Variants in ZDHHC17 observed in about 807,000 individuals in gnomAD.
ZDHHC17 encodes palmitoyltransferase ZDHHC17.
Under a neutral mutation model 90.3 loss-of-function variants are expected in ZDHHC17, and 40 were observed. The ratio of observed to expected loss-of-function variants is 0.44; its 90% CI spans 0.34 to 0.58. The LOEUF is 0.58. Among genes scored for constraint, ZDHHC17 ranks in the 20% least tolerant of loss-of-function variants. ZDHHC17 has a pLI of 0.01. For missense variants in ZDHHC17, 614 were observed against 780.8 expected, an observed-to-expected ratio of 0.79 and a Z score of 2.55; for synonymous variants, 235 against 252.4, an observed-to-expected ratio of 0.93 and a Z score of 0.65.
intron 2 of ZDHHC17, among the ~76,000 whole-genome samples, chr12:76,803,817 C>T (rs894714596): frequency 6.6e-6 from 1 of 152,144 alleles, no homozygotes; most frequent in African/African-American, 2.4e-5. Flanking sequence ...TGGTGGTCAA[C>T]TATTAGTGAG....
chr12:76,767,018 CAA>C (rs375447750), intron 1 of ZDHHC17, among the ~76,000 whole-genome samples: 15 of 85,820 alleles, frequency 1.7e-4, no homozygotes, highest in East Asian at 4.2e-4. Flanking sequence ...GATTATGTCT[CAA>C]AAAAAAAAAA....
At chr12:76,844,730 T>G (rs956717249) in intron 12 of ZDHHC17, 2 of 152,204 alleles carry the variant, frequency 1.3e-5, no homozygotes, top group Non-Finnish European at 2.9e-5. Flanking sequence ...GTGTATTCAC[T>G]GTGCCTTTTC....
intron 1 of ZDHHC17, among the ~76,000 whole-genome samples, chr12:76,784,328 T>C (rs1952662031): frequency 6.6e-6 from 1 of 152,148 alleles, no homozygotes; most frequent in Non-Finnish European, 1.5e-5. Context: ...CAACATGAAT[T>C]CTACTAAAAT....
intron 2 of ZDHHC17, among the ~76,000 whole-genome samples, chr12:76,798,039 T>C (rs1219558009): frequency 1.3e-5 from 2 of 152,152 alleles, no homozygotes; most frequent in Middle Eastern, 3.2e-3. Context: ...TGGTACTTGC[T>C]GATCTTTCCA....
intron 1 of ZDHHC17, among the ~76,000 whole-genome samples, chr12:76,781,165 C>T (rs911745648): frequency 2.0e-5 from 3 of 148,022 alleles, no homozygotes; most frequent in African/African-American, 7.4e-5. Flanking sequence ...TCTGATAAAT[C>T]CAAGTATAGT....
chr12:76,819,103 T>C (rs901266544), intron 7 of ZDHHC17, among the ~76,000 whole-genome samples: 1 of 152,182 alleles, frequency 6.6e-6, no homozygotes, highest in African/African-American at 2.4e-5. Flanking sequence ...GAAACCATCG[T>C]TGATGACTTA....
At chr12:76,828,914 GGACACA>G (rs1321764082) in intron 10 of ZDHHC17, among the ~76,000 whole-genome samples, 8 of 152,140 alleles carry the variant, frequency 5.3e-5, no homozygotes, top group Admixed American at 1.3e-4. Flanking sequence ...AATGGGTAAA[GGACACA>G]GACACAGACA....
chr12:76,844,989 A>G (rs973390350), intron 12 of ZDHHC17: 2 of 152,112 alleles, frequency 1.3e-5, no homozygotes, highest in African/African-American at 4.8e-5. Context: ...AAAAACAGAC[A>G]TCATAAGCAT....
In ZDHHC17 at chr12:76,851,479, G is replaced by T. The variant is rs1291736410; in HGVS notation, c.*494G>T. ...TTCAGAATGTACACATAAATACTGT[G>T]ATGAAAATCATGTGATTGGGATCTA... On this transcript the variant is annotated 3_prime_UTR_variant, in exon 17 of 17. Transcript: ENST00000426126. 1 of 154,460 alleles carries T rather than the reference G, an allele frequency of 6.5e-6. No homozygotes were observed. The highest frequency in any genetic ancestry group is 1.4e-5 in the Non-Finnish European group (1 of 69,452). 9.6% of individuals were successfully genotyped at this position (154,460 alleles called of 1,614,324 possible).
chr12:76,800,879 C>T (rs1006159603), intron 2 of ZDHHC17, among the ~76,000 whole-genome samples: 1 of 131,836 alleles, frequency 7.6e-6, no homozygotes, highest in Non-Finnish European at 1.6e-5. Flanking sequence ...TGTCATTTTG[C>T]CATTTCTTTT....
chr12:76,814,498 T>C (rs1209674710), intron 5 of ZDHHC17, among the ~76,000 whole-genome samples: 1 of 151,688 alleles, frequency 6.6e-6, no homozygotes, highest in Admixed American at 6.6e-5. Context: ...AAGAGAAAAA[T>C]TCAGATTTTT....
intron 1 of ZDHHC17, among the ~76,000 whole-genome samples, chr12:76,770,461 T>C (rs1446814664): frequency 6.6e-6 from 1 of 152,218 alleles, no homozygotes; most frequent in Non-Finnish European, 1.5e-5. Context: ...ATTTACAAAA[T>C]AACACATTGT....
intron 15 of ZDHHC17, among the ~76,000 whole-genome samples, chr12:76,849,146 A>G (rs34404260): frequency 7.0e-6 from 1 of 142,842 alleles, no homozygotes; most frequent in Admixed American, 7.0e-5. Flanking sequence ...AAAAAACCCA[A>G]CAAAAAAAAG....
chr12:76,804,984 AT>A (rs1024702483), intron 2 of ZDHHC17, among the ~76,000 whole-genome samples: 10 of 151,992 alleles, frequency 6.6e-5, no homozygotes, highest in Admixed American at 3.3e-4. Flanking sequence ...TATATTTAAT[AT>A]TTTTTAATAT....
Position 76,841,967 on chromosome 12 carries a change from C to A in ZDHHC17, c.1142-15C>A. 1 of 1,482,082 alleles carries A rather than the reference C, an allele frequency of 6.7e-7. No individual in the cohort carries two copies. Among genetic ancestry groups the A allele is most frequent in the Non-Finnish European group, 9.0e-7 (1 of 1,117,048 alleles). 91.8% of individuals were successfully genotyped at this position (1,482,082 alleles called of 1,614,324 possible). A position where few individuals can be genotyped will look rare whatever the true frequency, so the allele number is the denominator to read the frequency against. On this transcript the variant is annotated splice_polypyrimidine_tract_variant and intron_variant, in intron 10 of 16. Transcript: ENST00000426126. The stretch of plus-strand genomic sequence containing the variant: ...CATTTATCATTGCTTCTTTAGATTC[C>A]TTAACCTTAGGCACATCTCAACTTT...
rs903058610 is a variant in ZDHHC17 at position 76,853,246 on chromosome 12, G to A, written c.*2261G>A. On this transcript the variant is annotated 3_prime_UTR_variant, in exon 17 of 17. Coordinates refer to ENST00000426126, the MANE Select transcript of ZDHHC17 (RefSeq NM_015336.4). Reference sequence around the variant, plus strand: ...CTCAGAAATGGTCAGATGGTCAGGAGCCAGCTATGCAGCAGTATACCATCT... The same window carrying A: ...CTCAGAAATGGTCAGATGGTCAGGAACCAGCTATGCAGCAGTATACCATCT... 1 of 152,130 alleles carries A rather than the reference G, an allele frequency of 6.6e-6. No homozygotes were observed. Among genetic ancestry groups the A allele is most frequent in the Non-Finnish European group, 1.5e-5 (1 of 67,920 alleles). The allele number at this position is 152,130 out of a possible 1,614,324, so 9.4% of individuals were successfully genotyped here.
At chr12:76,785,566 A>G (rs1239499305) in intron 1 of ZDHHC17, among the ~76,000 whole-genome samples, 2 of 152,230 alleles carry the variant, frequency 1.3e-5, no homozygotes, top group Non-Finnish European at 2.9e-5. Context: ...TGAAAAAATT[A>G]TTGTTCACCA....
At chr12:76,827,367 C>G (rs1407739708) in intron 9 of ZDHHC17, among the ~76,000 whole-genome samples, 1 of 152,028 alleles carries the variant, frequency 6.6e-6, no homozygotes, top group Non-Finnish European at 1.5e-5. Context: ...CAGGTAATTA[C>G]AATACTTGAG....
chr12:76,812,242 G>A (rs1953033080), intron 5 of ZDHHC17, among the ~76,000 whole-genome samples: 1 of 152,090 alleles, frequency 6.6e-6, no homozygotes, highest in Non-Finnish European at 1.5e-5. Flanking sequence ...AGAGCACTGT[G>A]CCGTTTAACC....
Sources: allele counts gnomAD v4.1 joint callset (sites outside exome capture counted in the v4.1 genomes callset), GRCh38; gene constraint gnomAD v4.1.1; transcripts MANE v1.5; gene names NCBI Gene and HGNC (gene_info 2026-07-23, HGNC 2026-07-21).